The following CAB39L variants were observed in gnomAD, a reference collection of about 807,000 sequenced individuals.
The protein encoded by CAB39L is calcium-binding protein 39-like.
In CAB39L, 23 loss-of-function variants were observed where a neutral mutation model predicts 39.1. That is an observed-to-expected ratio of 0.59 (90% CI 0.42 to 0.83). The LOEUF is 0.83. Among genes scored for constraint, CAB39L ranks in the 40% least tolerant of loss-of-function variants. The pLI is 0.00. For synonymous variants in CAB39L, 126 were observed against 137.2 expected (o/e 0.92, Z 0.57); for missense variants, 366 against 391.9 (o/e 0.93, Z 0.56).
intron 10 of CAB39L, among the ~76,000 whole-genome samples, chr13:49,327,306 T>C (rs902415479): frequency 5.9e-5 from 9 of 152,128 alleles, no homozygotes; most frequent in Admixed American, 2.6e-4. Context: ...CATTTTGCAA[T>C]TTTGTTTGTT....
At chr13:49,428,476 C>G (rs928239567) in intron 3 of CAB39L, among the ~76,000 whole-genome samples, 4 of 152,126 alleles carry the variant, frequency 2.6e-5, no homozygotes, top group Admixed American at 2.0e-4. Context: ...CCAGTCTTGG[C>G]ACAGTATGGA....
At chr13:49,353,678 A>C (rs1354917581) in intron 6 of CAB39L, among the ~76,000 whole-genome samples, 3 of 152,058 alleles carry the variant, frequency 2.0e-5, no homozygotes, top group African/African-American at 7.2e-5. Context: ...GCTTGTCTGT[A>C]ATTTCTCTTT....
chr13:49,345,573 G>A (rs759512374), intron 7 of CAB39L, among the ~76,000 whole-genome samples: 16 of 152,164 alleles, frequency 1.1e-4, no homozygotes, highest in Non-Finnish European at 2.1e-4. Flanking sequence ...ACCCTTGAAA[G>A]AGTAAGGTAG....
chr13:49,368,243 T>C (rs888513888), intron 5 of CAB39L, among the ~76,000 whole-genome samples: 1 of 152,192 alleles, frequency 6.6e-6, no homozygotes, highest in Admixed American at 6.5e-5. Flanking sequence ...AAAACATTCT[T>C]CTAGTTCATT....
At chr13:49,405,674 G>GTC (rs1956855160) in intron 3 of CAB39L, among the ~76,000 whole-genome samples, 3 of 133,538 alleles carry the variant, frequency 2.2e-5, no homozygotes, top group African/African-American at 8.3e-5. Flanking sequence ...CAGCCTGGGT[G>GTC]ACAGAGCAAG....
At chr13:49,349,684 A>G (rs1005693585) in intron 7 of CAB39L, among the ~76,000 whole-genome samples, 1 of 152,024 alleles carries the variant, frequency 6.6e-6, no homozygotes, top group East Asian at 1.9e-4. Flanking sequence ...TCCCTCCCCA[A>G]ATAATTCTAG....
intron 3 of CAB39L, among the ~76,000 whole-genome samples, chr13:49,389,127 G>A (rs1956433779): frequency 6.6e-6 from 1 of 152,128 alleles, no homozygotes; most frequent in Admixed American, 6.5e-5. Flanking sequence ...GTGGGAAGGT[G>A]AATTAGAACA....
At chr13:49,438,453 T>C (rs1957453136) in intron 1 of CAB39L, among the ~76,000 whole-genome samples, 1 of 152,234 alleles carries the variant, frequency 6.6e-6, no homozygotes. Flanking sequence ...CTTGGTTGTC[T>C]GAAATTTGTT....
At chr13:49,332,176 T>C in intron 9 of CAB39L, 86 bp from the exon 10 acceptor site, 1 of 1,468,788 alleles carries the variant, frequency 6.8e-7, no homozygotes, top group Non-Finnish European at 9.3e-7. Flanking sequence ...AAAAACAAAA[T>C]ATAAATGTGA....
chr13:49,381,774 T>C (rs1421341961), intron 4 of CAB39L, among the ~76,000 whole-genome samples: 1 of 152,232 alleles, frequency 6.6e-6, no homozygotes, highest in Non-Finnish European at 1.5e-5. Context: ...TTCAAGGACA[T>C]TGGGTTGTTT....
chr13:49,426,690 G>A (rs1432028554), intron 3 of CAB39L, among the ~76,000 whole-genome samples: 1 of 152,146 alleles, frequency 6.6e-6, no homozygotes, highest in South Asian at 2.1e-4. Flanking sequence ...CTCCCAAAGT[G>A]GTGGGATTAC....
At chr13:49,330,565 C>T (rs929006384) in intron 10 of CAB39L, among the ~76,000 whole-genome samples, 5 of 151,898 alleles carry the variant, frequency 3.3e-5, no homozygotes, top group African/African-American at 1.2e-4. Context: ...TTTGAGGCTG[C>T]AGTAAGCCAT....
chr13:49,410,417 A>G (rs1200439407), intron 3 of CAB39L, among the ~76,000 whole-genome samples: 1 of 152,212 alleles, frequency 6.6e-6, no homozygotes, highest in African/African-American at 2.4e-5. Flanking sequence ...AGTTTTTACA[A>G]ATTTTCACTT....
At chr13:49,316,310 G>A (rs998398233) in intron 10 of CAB39L, among the ~76,000 whole-genome samples, 17 of 152,150 alleles carry the variant, frequency 1.1e-4, no homozygotes, top group Admixed American at 1.0e-3. Flanking sequence ...AGAATCTGCA[G>A]ACCTCTGACA....
chr13:49,411,968 C>T (rs574865378), intron 3 of CAB39L, among the ~76,000 whole-genome samples: 27 of 152,238 alleles, frequency 1.8e-4, no homozygotes, highest in African/African-American at 6.5e-4. Flanking sequence ...GCAGTTGGTT[C>T]TCTTGCCTAG....
intron 5 of CAB39L, among the ~76,000 whole-genome samples, chr13:49,361,373 G>A (rs1955623458): frequency 6.6e-6 from 1 of 151,270 alleles, no homozygotes; most frequent in African/African-American, 2.4e-5. Flanking sequence ...AGCTACTTGG[G>A]AGGCTGAGGT....
chr13:49,419,444 G>A (rs2138706303), intron 3 of CAB39L, among the ~76,000 whole-genome samples: 1 of 152,282 alleles, frequency 6.6e-6, no homozygotes, highest in South Asian at 2.1e-4. Context: ...CACATGTGGT[G>A]GCATATGCCT....
intron 5 of CAB39L, among the ~76,000 whole-genome samples, chr13:49,360,797 C>T (rs142234819): frequency 1.2e-3 from 178 of 152,210 alleles, no homozygotes; most frequent in African/African-American, 4.2e-3. Context: ...ACTCTTTCCC[C>T]TTTGCTCATT....
rs373312261 is a variant in CAB39L at position 49,377,092 on chromosome 13, C to A, written c.151G>T (p.Glu51Ter). ...EVSKSLQAMK[E>*]ILCGTNEKEP... ...TTCTCGTTTGTACCACACAGAATTT[C>A]TTTCATTGCTTGCAGTGATTTAGAC... Residue 51 changes from glutamate (E) to a stop codon, truncating the protein, a stop_gained, in exon 5 of 11, where the codon GAA (glutamate) becomes TAA (stop). Transcript: ENST00000409308. LOFTEE classifies it high-confidence loss of function. 8.7e-6 allele frequency: 14 copies of A among 1,613,476 alleles called. No homozygotes were observed. The highest frequency in any genetic ancestry group is 1.2e-5 in the Non-Finnish European group (14 of 1,179,522).
Sources: allele counts gnomAD v4.1 joint callset (sites outside exome capture counted in the v4.1 genomes callset), GRCh38; gene constraint gnomAD v4.1.1; transcripts MANE v1.5; gene names NCBI Gene and HGNC (gene_info 2026-07-23, HGNC 2026-07-21).